The following SPEG variants were observed in gnomAD, a reference collection of about 807,000 sequenced individuals.
The protein encoded by SPEG is striated muscle enriched protein kinase, also known as striated muscle preferentially expressed protein kinase.
In SPEG, 114 loss-of-function variants were observed where a neutral mutation model predicts 300.4. The observed-to-expected ratio is 0.38, with a 90% confidence interval of 0.33 to 0.44. The LOEUF (loss-of-function observed/expected upper bound fraction) is 0.44. Ranked by LOEUF, SPEG falls within the 20% of genes least tolerant of loss-of-function variation. The pLI is 1.00. For missense variants in SPEG, 4,201 were observed against 4,586.2 expected, an observed-to-expected ratio of 0.92 and a Z score of 2.43; for synonymous variants, 1,964 against 2,018.9, an observed-to-expected ratio of 0.97 and a Z score of 0.73.
intron 1 of SPEG, chr2:219,441,727 C>A: frequency 1.0e-5 from 4 of 383,552 alleles, no homozygotes; most frequent in Non-Finnish European, 2.1e-5. Flanking sequence ...GGGTCCGTGG[C>A]TCTCGGCGTT....
intron 13 of SPEG, 189 bp from the exon 14 acceptor site, chr2:219,471,679 G>GTAGACTTGGAA: frequency 1.5e-6 from 1 of 662,840 alleles, no homozygotes; most frequent in South Asian, 1.9e-5. Context: ...GCCAGCCCGG[G>GTAGACTTGGAA]CCCAGACCCA....
At chr2:219,472,536 C>T (rs1158569222) in intron 15 of SPEG, among the ~76,000 whole-genome samples, 1 of 152,184 alleles carries the variant, frequency 6.6e-6, no homozygotes, top group Non-Finnish European at 1.5e-5. Flanking sequence ...CGGGGCACTG[C>T]CACATTCCCT....
intron 1 of SPEG, chr2:219,442,185 T>G: frequency 5.3e-6 from 4 of 751,690 alleles, no homozygotes; most frequent in Non-Finnish European, 7.0e-6. Flanking sequence ...GAGGGGGCGC[T>G]GGATCGGCGC....
chr2:219,443,518 A>G lies in SPEG; in HGVS notation c.389-1135A>G, dbSNP rs553519653. On this transcript the variant is annotated intron_variant, in intron 1 of 40. Transcript: ENST00000312358. This position sits in a 1 kb window ranked among gnomAD's most constrained non-coding sequence, Gnocchi z 4.6. ...CTGCTAGAATCTGGGAAAGTTGAAA[A>G]TACTCCCAGGAACCTTTTCTCCTAA... The G allele has an allele frequency of 1.8e-5, 6 of 339,488 alleles. No homozygotes were observed. Among genetic ancestry groups the G allele is most frequent in the Admixed American group, 4.3e-5 (1 of 23,158 alleles). The allele number at this position is 339,488 out of a possible 1,614,324, so 21.0% of individuals were successfully genotyped here. A position where few individuals can be genotyped will look rare whatever the true frequency, so the allele number is the denominator to read the frequency against.
In SPEG at chr2:219,488,233, T is replaced by C; in HGVS notation, c.7781T>C (p.Val2594Ala). Residue 2594 changes from valine to alanine, a missense_variant, in exon 32 of 41, where the codon GTG (valine) becomes GCG (alanine). Coordinates refer to ENST00000312358, the MANE Select transcript of SPEG (RefSeq NM_005876.5). ...TTCCACATCAAACTCAAGGACCAGGTGCTGCTGGAGGGGGAGGCAGCCACC... is the reference window on the plus strand; with the variant it reads ...TTCCACATCAAACTCAAGGACCAGGCGCTGCTGGAGGGGGAGGCAGCCACC... Reference protein sequence around the residue: ...PVFHIKLKDQVLLEGEAATLL... With the variant: ...PVFHIKLKDQALLEGEAATLL... The C allele has an allele frequency of 6.2e-7, 1 of 1,613,732 alleles. No individual in the cohort carries two copies. The highest frequency in any genetic ancestry group is 8.5e-7 in the Non-Finnish European group (1 of 1,179,870).
In SPEG at chr2:219,440,405, C is replaced by A. The variant is rs552897777; in HGVS notation, c.389-4248C>A. The stretch of plus-strand genomic sequence containing the variant: ...CTAGTCTCTAAAACAATAAAGAAAT[C>A]TAAAATAAGATAAAGGGGCCACAGA... On this transcript the variant is annotated intron_variant, in intron 1 of 40. Transcript: ENST00000312358. Among the ~76,000 whole-genome samples, 10 of 151,828 alleles carry A rather than the reference C, an allele frequency of 6.6e-5. No homozygotes were observed. In the East Asian group the frequency reaches 1.7e-3, roughly 26 times the overall value.
Position 219,443,944 on chromosome 2 carries a change from CT to C in SPEG, c.389-707del, listed in dbSNP as rs1689095098. On this transcript the variant is annotated intron_variant, in intron 1 of 40. Transcript: ENST00000312358. The surrounding 1 kb of genome is among the most constrained non-coding windows in gnomAD (Gnocchi z 4.6). The stretch of plus-strand genomic sequence containing the variant: ...ACTGGGTGCCTCACGCCCCTTCTGT[CT>C]TGACTGCCCTCCATGCCCTGCCCCA... 8.4e-7 allele frequency: 1 copy of C among 1,197,194 alleles called. No homozygotes were observed. Among genetic ancestry groups the C allele is most frequent in the South Asian group, 1.3e-5 (1 of 79,840 alleles). The allele number at this position is 1,197,194 out of a possible 1,614,324, so 74.2% of individuals were successfully genotyped here. A position where few individuals can be genotyped will look rare whatever the true frequency, so the allele number is the denominator to read the frequency against.
Position 219,451,384 on chromosome 2 carries a change from GGGGAATTATCCCCTCCAC to G in SPEG, c.2257+109_2257+126del. 1.4e-6 allele frequency: 2 copies of G among 1,443,730 alleles called. No homozygotes were observed. The highest frequency in any genetic ancestry group is 4.8e-5 in the East Asian group (2 of 41,416). 89.4% of individuals were successfully genotyped at this position (1,443,730 alleles called of 1,614,324 possible). A position where few individuals can be genotyped will look rare whatever the true frequency, so the allele number is the denominator to read the frequency against. On this transcript the variant is annotated intron_variant, in intron 5 of 40. Transcript: ENST00000312358. This position sits in a 1 kb window ranked among gnomAD's most constrained non-coding sequence, Gnocchi z 6.4. ...TCCTCCAAGGGAGGGGTGGGAAAGA[GGGGAATTATCCCCTCCAC>G]GGGGGCTGCCCTGACTTGGGTGTGT...
At position 219,482,802 on chromosome 2, in the gene SPEG, G is replaced by C; in HGVS notation, c.5584G>C (p.Glu1862Gln). Residue 1862 changes from glutamate to glutamine, a missense_variant, in exon 29 of 41, where the codon GAG (glutamate) becomes CAG (glutamine). Transcript: ENST00000312358. Reference sequence around the variant, plus strand: ...TTTGCAGACTCAGGCAAAGGGCGCAGAGGTGAGCACGGATCACCTGAAGCT... The same window carrying C: ...TTTGCAGACTCAGGCAAAGGGCGCACAGGTGAGCACGGATCACCTGAAGCT... ...PWFKTQAKGA[E>Q]VSTDHLKLFL... 2 of 1,613,892 alleles carry C rather than the reference G, an allele frequency of 1.2e-6. No homozygotes were observed. Among genetic ancestry groups the C allele is most frequent in the Non-Finnish European group, 1.7e-6 (2 of 1,179,930 alleles).
At chr2:219,465,981 G>C in intron 9 of SPEG, 1 of 1,221,148 alleles carries the variant, frequency 8.2e-7, no homozygotes, top group East Asian at 2.5e-5. Flanking sequence ...GTGTGTGCAT[G>C]TGTGTGTGTG....
chr2:219,465,905 G>A (rs886489571), intron 9 of SPEG: 14 of 678,656 alleles, frequency 2.1e-5, no homozygotes, highest in Non-Finnish European at 3.6e-5. Context: ...GTATGGGTGT[G>A]TGCATGCGTG....
In SPEG at chr2:219,481,800, T is replaced by C. The variant is rs1346323833; in HGVS notation, c.5565+120T>C. The C allele has an allele frequency of 4.6e-6, 4 of 868,650 alleles. No homozygotes were observed. Among genetic ancestry groups the C allele is most frequent in the Non-Finnish European group, 5.8e-6 (3 of 517,798 alleles). The allele number at this position is 868,650 out of a possible 1,614,324, so 53.8% of individuals were successfully genotyped here. On this transcript the variant is annotated intron_variant, in intron 28 of 40. Coordinates refer to ENST00000312358, the MANE Select transcript of SPEG (RefSeq NM_005876.5). The surrounding 1 kb of genome is among the most constrained non-coding windows in gnomAD (Gnocchi z 5.4). ...CCACGTTAGGCATTGTATGTACATATGACGTATTAGCCTCACAATAGCTTT... is the reference window on the plus strand; with the variant it reads ...CCACGTTAGGCATTGTATGTACATACGACGTATTAGCCTCACAATAGCTTT...
rs764573096 is a variant in SPEG at position 219,462,359 on chromosome 2, A to C, written c.2678A>C (p.Gln893Pro). Residue 893 changes from glutamine (Q) to proline (P), a missense_variant, in exon 8 of 41, where the codon CAG (glutamine) becomes CCG (proline). Physicochemically the swap from Gln to Pro is moderately conservative, Grantham distance 76. Around this residue, in one of 4 missense-constraint regions of SPEG, gnomAD observed 1,047 missense variants for 1,356.8 expected, o/e 0.77. Coordinates refer to ENST00000312358, the MANE Select transcript of SPEG (RefSeq NM_005876.5). The part of the protein sequence containing the change: ...GQDVIMSIRV[Q>P]GEPKPVVSWL... The stretch of plus-strand genomic sequence containing the variant: ...GATGTCATCATGAGCATCCGCGTGC[A>C]GGGGGAGCCCAAGCCTGTGGTCTCC... 1 of 1,562,802 alleles carries C rather than the reference A, an allele frequency of 6.4e-7. No homozygotes were observed. The highest frequency in any genetic ancestry group is 8.7e-7 in the Non-Finnish European group (1 of 1,152,866).
intron 32 of SPEG, 58 bp from the exon 33 acceptor site, chr2:219,488,440 G>T: frequency 6.6e-7 from 1 of 1,524,122 alleles, no homozygotes; most frequent in Non-Finnish European, 8.9e-7. Flanking sequence ...AGTGAGTGAG[G>T]GGGCCTGGAC....
At chr2:219,474,099 C>G in intron 18 of SPEG, 196 bp downstream of exon 18, 1 of 602,280 alleles carries the variant, frequency 1.7e-6, no homozygotes, top group African/African-American at 1.8e-5. Context: ...ATTTATTGGC[C>G]AGACGCGGTG....
rs933646681 is a variant in SPEG, at chr2:219,492,753, G to C, written c.9771G>C (p.Lys3257Asn). The C allele has an allele frequency of 2.5e-6, 4 of 1,601,190 alleles. No homozygotes were observed. In the African/African-American group the frequency reaches 5.3e-5, roughly 21 times the overall value. ...GGGCTGAGGCTGCCACCCGCCACAA[G>C]GTGCTGCTGCGCTCCTACCCTGGCG... is the stretch of plus-strand genomic sequence containing the variant. ...RRRAEAATRHKVLLRSYPGGP is the reference protein window; with the variant it reads ...RRRAEAATRHNVLLRSYPGGP Residue 3257 changes from lysine (K) to asparagine (N), a missense_variant, in exon 41 of 41, where the codon AAG (lysine) becomes AAC (asparagine). Lys to Asn is a moderately conservative substitution (Grantham distance 94, BLOSUM62 0). Around this residue, in one of 4 missense-constraint regions of SPEG, gnomAD observed 318 missense variants for 429.5 expected, o/e 0.74. Coordinates refer to ENST00000312358, the MANE Select transcript of SPEG (RefSeq NM_005876.5).
Position 219,444,057 on chromosome 2 carries a change from A to G in SPEG, c.389-596A>G. ...TTCCGCTCCTGCAGAAAGCAAAGTTACGGTAGGAAACTGGCTCCTGCTCTA... is the reference window on the plus strand; with the variant it reads ...TTCCGCTCCTGCAGAAAGCAAAGTTGCGGTAGGAAACTGGCTCCTGCTCTA... On this transcript the variant is annotated intron_variant, in intron 1 of 40. Coordinates refer to ENST00000312358, the MANE Select transcript of SPEG (RefSeq NM_005876.5). This position sits in a 1 kb window ranked among gnomAD's most constrained non-coding sequence, Gnocchi z 7.8. 7.3e-7 allele frequency: 1 copy of G among 1,365,416 alleles called. No individual in the cohort carries two copies. The highest frequency in any genetic ancestry group is 1.1e-5 in the South Asian group (1 of 87,596). 84.6% of individuals were successfully genotyped at this position (1,365,416 alleles called of 1,614,324 possible).
Position 219,482,766 on chromosome 2 carries a change from T to G in SPEG, c.5566-18T>G, listed in dbSNP as rs1311350594. On this transcript the variant is annotated intron_variant, in intron 28 of 40. Transcript: ENST00000312358. ...AGGTTGACAGCTTTCCCTCAAGCCC[T>G]CTTTCCTGGGTTTGCAGACTCAGGC... 6.2e-7 allele frequency: 1 copy of G among 1,612,782 alleles called. No individual in the cohort carries two copies. Among genetic ancestry groups the G allele is most frequent in the Non-Finnish European group, 8.5e-7 (1 of 1,179,222 alleles).
Position 219,489,385 on chromosome 2 carries a change from A to G in SPEG, c.8367A>G (p.Ser2789=), listed in dbSNP as rs1241108557. ...CCCACCAAGAGGCCCCTGTCACCTC[A>G]AGGCCAGCCAGGGCCCGGCCTCCTG... ...SAAHQEAPVT[S]RPARARPPDS... is the part of the protein sequence containing the mutation. The change falls in exon 36 of 41, where the codon TCA becomes TCG. Residue 2789 remains serine, a synonymous_variant. Transcript: ENST00000312358. The G allele has an allele frequency of 1.7e-5, 28 of 1,611,162 alleles. No homozygotes were observed. Among genetic ancestry groups the G allele is most frequent in the Non-Finnish European group, 2.2e-5 (26 of 1,179,154 alleles).
Sources: gnomAD v4.1 joint callset for allele counts (sites outside exome capture counted in the v4.1 genomes callset) on GRCh38, gnomAD v4.1.1 for gene constraint, gnomAD v4.1.1 regional missense constraint, Gnocchi (gnomAD v3.1) non-coding constraint, MANE v1.5 for transcripts, NCBI Gene and HGNC (gene_info 2026-07-23, HGNC 2026-07-21) for gene names.